The following KCNQ5 variants were observed in gnomAD, a reference collection of about 807,000 sequenced individuals.
KCNQ5 encodes potassium voltage-gated channel subfamily Q member 5.
Under a neutral mutation model 98.2 loss-of-function variants are expected in KCNQ5, and 30 were observed. The ratio of observed to expected loss-of-function variants is 0.31; its 90% confidence interval spans 0.23 to 0.41. KCNQ5 has a LOEUF of 0.41. Among genes scored for constraint, KCNQ5 ranks in the 10% least tolerant of loss-of-function variants. KCNQ5 has a pLI of 1.00. For synonymous variants in KCNQ5, 458 were observed against 449.4 expected (o/e 1.02, Z -0.24); for missense variants, 835 against 1,182.5 (o/e 0.71, Z 4.31).
intron 3 of KCNQ5, among the ~76,000 whole-genome samples, chr6:73,074,078 A>G (rs1023602918): frequency 2.6e-5 from 4 of 152,188 alleles, no homozygotes; most frequent in Non-Finnish European, 5.9e-5. Flanking sequence ...GTGTTTTTTA[A>G]TCTAATTTAT....
chr6:72,817,123 G>A (rs1775536924), intron 1 of KCNQ5, among the ~76,000 whole-genome samples: 1 of 152,102 alleles, frequency 6.6e-6, no homozygotes, highest in Non-Finnish European at 1.5e-5. Flanking sequence ...CAACCAAGAA[G>A]GGATATATGG....
chr6:72,622,416 G>A lies in KCNQ5; in HGVS notation c.227G>A (p.Arg76Lys), dbSNP rs2098915766. 15 of 1,531,140 alleles carry A rather than the reference G, an allele frequency of 9.8e-6. No homozygotes were observed. The highest frequency in any genetic ancestry group is 1.3e-5 in the Non-Finnish European group (15 of 1,138,498). The allele number at this position is 1,531,140 out of a possible 1,614,324, so 94.8% of individuals were successfully genotyped here. A position where few individuals can be genotyped will look rare whatever the true frequency, so the allele number is the denominator to read the frequency against. Reference sequence around the variant, plus strand: ...CTCGGTGGCGGCGGCGGTGGCCTGAGGGAGAGCCGCCGGGGCAAGCAGGGG... The same window carrying A: ...CTCGGTGGCGGCGGCGGTGGCCTGAAGGAGAGCCGCCGGGGCAAGCAGGGG... Reference protein sequence around the residue: ...ATLGGGGGGLRESRRGKQGAR... With the variant: ...ATLGGGGGGLKESRRGKQGAR... The change falls in exon 1 of 14, where the codon AGG becomes AAG. Residue 76 changes from arginine to lysine, a missense_variant. By Grantham distance (26) the Arg-to-Lys change is conservative (BLOSUM62 2). This residue lies in a region of KCNQ5 where 54 missense variants were observed against 51.5 expected (regional missense o/e 1.05). Coordinates refer to ENST00000370398, the MANE Select transcript of KCNQ5 (RefSeq NM_019842.4). The surrounding 1 kb of genome is among the most constrained non-coding windows in gnomAD (Gnocchi z 6.0).
intron 2 of KCNQ5, among the ~76,000 whole-genome samples, chr6:73,008,945 A>G (rs1436032106): frequency 2.0e-5 from 3 of 152,174 alleles, no homozygotes. Flanking sequence ...AATATCAATA[A>G]CAGAAGTAAA....
chr6:72,711,032 G>A (rs976096651), intron 1 of KCNQ5, among the ~76,000 whole-genome samples: 2 of 152,054 alleles, frequency 1.3e-5, no homozygotes, highest in African/African-American at 4.8e-5. Context: ...TAAGAGAAAG[G>A]ATCATGGAAA....
At chr6:72,851,430 C>A (rs571183368) in intron 1 of KCNQ5, among the ~76,000 whole-genome samples, 1 of 152,046 alleles carries the variant, frequency 6.6e-6, no homozygotes, top group East Asian at 1.9e-4. Flanking sequence ...ACAAAGACTC[C>A]CATTATCTAA....
At chr6:72,721,263 C>A (rs1211802632) in intron 1 of KCNQ5, among the ~76,000 whole-genome samples, 1 of 152,104 alleles carries the variant, frequency 6.6e-6, no homozygotes, top group African/African-American at 2.4e-5. Context: ...ATGTCTTCTT[C>A]CCCTTTATCT....
rs371071638 is a variant in KCNQ5, at chr6:73,001,629, C to G, written c.399-2279C>G. Reference sequence around the variant, plus strand: ...CTTGGTGGGGAAAGGGAGGGAATATCCAGATAAGGGCTCCTCACCAGAGGA... The same window carrying G: ...CTTGGTGGGGAAAGGGAGGGAATATGCAGATAAGGGCTCCTCACCAGAGGA... On this transcript the variant is annotated intron_variant, in intron 1 of 13. Coordinates refer to ENST00000370398, the MANE Select transcript of KCNQ5 (RefSeq NM_019842.4). Among the ~76,000 whole-genome samples the G allele has an allele frequency of 7.9e-5, 12 of 152,230 alleles. No homozygotes were observed. The East Asian group carries it at 1.2e-3, about 15-fold the overall frequency.
chr6:72,962,236 T>TAC (rs1355190667), intron 1 of KCNQ5, among the ~76,000 whole-genome samples: 6 of 143,792 alleles, frequency 4.2e-5, no homozygotes, highest in Non-Finnish European at 6.0e-5. Flanking sequence ...TATATATATA[T>TAC]ACACATATAT....
chr6:73,087,281 C>T (rs1166429647), intron 5 of KCNQ5, among the ~76,000 whole-genome samples: 2 of 152,126 alleles, frequency 1.3e-5, no homozygotes, highest in African/African-American at 4.8e-5. Context: ...ATCGAATCAA[C>T]AGGACTTGCT....
intron 1 of KCNQ5, among the ~76,000 whole-genome samples, chr6:72,857,555 A>ATTC (rs1777585687): frequency 6.6e-6 from 1 of 152,212 alleles, no homozygotes; most frequent in South Asian, 2.1e-4. Context: ...TGACCTTGAT[A>ATTC]TTCTGTCTTT....
chr6:73,049,090 G>A (rs184632349), intron 3 of KCNQ5, among the ~76,000 whole-genome samples: 3 of 152,122 alleles, frequency 2.0e-5, no homozygotes, highest in African/African-American at 7.2e-5. Context: ...ATTAACTTCT[G>A]TGGAAGTCCT....
intron 11 of KCNQ5, among the ~76,000 whole-genome samples, chr6:73,174,419 G>A (rs116207587): frequency 0.02 from 3,070 of 152,230 alleles, 103 homozygotes; most frequent in African/African-American, 0.069. Context: ...AGACGCTATC[G>A]ATTGTGCCTT....
chr6:73,101,704 A>G (rs1411148348), intron 5 of KCNQ5, among the ~76,000 whole-genome samples: 5 of 152,168 alleles, frequency 3.3e-5, no homozygotes, highest in African/African-American at 1.2e-4. Context: ...GAAGTGAAAG[A>G]TCTCTACAAA....
chr6:72,770,880 C>G (rs547060213), intron 1 of KCNQ5, among the ~76,000 whole-genome samples: 2 of 152,208 alleles, frequency 1.3e-5, no homozygotes, highest in East Asian at 3.9e-4. Flanking sequence ...AAGATTCCTT[C>G]ATTTATTTAT....
At chr6:72,813,175 A>G (rs143411774) in intron 1 of KCNQ5, among the ~76,000 whole-genome samples, 157 of 152,260 alleles carry the variant, frequency 1.0e-3, no homozygotes, top group African/African-American at 3.5e-3. Flanking sequence ...TCATTTACCT[A>G]TGACTAAAGT....
At chr6:73,011,221 A>G (rs969064365) in intron 2 of KCNQ5, among the ~76,000 whole-genome samples, 3 of 152,144 alleles carry the variant, frequency 2.0e-5, no homozygotes, top group African/African-American at 2.4e-5. Flanking sequence ...CTGTAACATT[A>G]TGAATGTATT....
intron 1 of KCNQ5, among the ~76,000 whole-genome samples, chr6:72,960,807 G>A (rs759435700): frequency 9.2e-5 from 14 of 152,180 alleles, no homozygotes; most frequent in Admixed American, 3.3e-4. Context: ...GCCTGTGCCC[G>A]TAGTTCCCAC....
chr6:73,195,227 T>A lies in KCNQ5; in HGVS notation c.2612T>A (p.Ile871Lys), dbSNP rs1427604336. 2.5e-6 allele frequency: 4 copies of A among 1,614,048 alleles called. No individual in the cohort carries two copies. Among genetic ancestry groups the A allele is most frequent in the Non-Finnish European group, 3.4e-6 (4 of 1,180,034 alleles). Residue 871 changes from isoleucine to lysine, a missense_variant, in exon 14 of 14, where the codon ATA becomes AAA. Transcript: ENST00000370398. The part of the protein sequence containing the change: ...YPKWRESKLF[I>K]TDEEVGPEET... ...AAATGGAGGGAATCCAAATTGTTTATAACTGATGAAGAGGTGGGTCCCGAA... is the reference window on the plus strand; with the variant it reads ...AAATGGAGGGAATCCAAATTGTTTAAAACTGATGAAGAGGTGGGTCCCGAA...
At chr6:72,899,387 C>T (rs1375317513) in intron 1 of KCNQ5, among the ~76,000 whole-genome samples, 1 of 152,008 alleles carries the variant, frequency 6.6e-6, no homozygotes, top group Non-Finnish European at 1.5e-5. Context: ...TTGGCTTTTT[C>T]CTTCTCTCAG....
Sources: gnomAD v4.1 joint callset for allele counts (sites outside exome capture counted in the v4.1 genomes callset) on GRCh38, gnomAD v4.1.1 for gene constraint, gnomAD v4.1.1 regional missense constraint, Gnocchi (gnomAD v3.1) non-coding constraint, MANE v1.5 for transcripts, NCBI Gene and HGNC (gene_info 2026-07-23, HGNC 2026-07-21) for gene names.